Variants in SATB2 observed in about 807,000 individuals in gnomAD.
SATB2 encodes SATB homeobox 2, also known as DNA-binding protein SATB2.
SATB2 carries 1 observed loss-of-function variant against 73.4 expected under a neutral mutation model. That is an observed-to-expected ratio of 0.01 (90% CI 0.00 to 0.06). The LOEUF (loss-of-function observed/expected upper bound fraction) is 0.06, where lower values mean the gene tolerates loss of function less well. SATB2 is among the 10% of genes least tolerant of loss of function. The pLI, the probability that SATB2 is intolerant of heterozygous loss-of-function variation, is 1.00. For missense variants in SATB2, 459 were observed against 945.8 expected (o/e 0.49, Z 6.75); for synonymous variants, 397 against 367.0 (o/e 1.08, Z -0.93).
chr2:199,367,098 T>C (rs906816161), intron 6 of SATB2, among the ~76,000 whole-genome samples: 2 of 152,168 alleles, frequency 1.3e-5, no homozygotes, highest in South Asian at 2.1e-4. Context: ...ATGATTCTTT[T>C]GATTTTCAGC....
intron 6 of SATB2, among the ~76,000 whole-genome samples, chr2:199,356,262 A>C (rs1057395911): frequency 6.6e-6 from 1 of 151,414 alleles, no homozygotes; most frequent in Non-Finnish European, 1.5e-5. Context: ...GAAAGAAAAG[A>C]CGACGGCAGA....
At chr2:199,373,727 G>A (rs1263429845) in intron 5 of SATB2, among the ~76,000 whole-genome samples, 1 of 152,200 alleles carries the variant, frequency 6.6e-6, no homozygotes, top group Non-Finnish European at 1.5e-5. Context: ...TATGGTCACT[G>A]CAATCCCTTG....
At chr2:199,381,851 A>AT in intron 3 of SATB2, 31 bp from the exon 4 acceptor site, 1 of 1,611,576 alleles carries the variant, frequency 6.2e-7, no homozygotes, top group Non-Finnish European at 8.5e-7. Flanking sequence ...TAATAAACAC[A>AT]TATCTGCTAT....
At chr2:199,371,234 G>C (rs1452873945) in intron 5 of SATB2, among the ~76,000 whole-genome samples, 3 of 151,878 alleles carry the variant, frequency 2.0e-5, no homozygotes, top group Non-Finnish European at 4.4e-5. Flanking sequence ...CCCTACATTA[G>C]ACTGTTAAAT....
chr2:199,313,869 T>G (rs904430000), intron 9 of SATB2, among the ~76,000 whole-genome samples: 2 of 152,136 alleles, frequency 1.3e-5, no homozygotes, highest in Non-Finnish European at 2.9e-5. Flanking sequence ...TTGCCTCCAT[T>G]TTTCTTTCAT....
chr2:199,297,741 C>G (rs769842690), intron 10 of SATB2, among the ~76,000 whole-genome samples: 4 of 151,626 alleles, frequency 2.6e-5, no homozygotes, highest in Non-Finnish European at 5.9e-5. Context: ...GTAGCAAGGA[C>G]AGCAGAAGTC....
At position 199,463,916 on chromosome 2, in the gene SATB2, C is replaced by G. The variant is rs1172471732; in HGVS notation, c.-141+920G>C. Among the ~76,000 whole-genome samples the G allele has an allele frequency of 6.6e-6, 1 of 152,166 alleles. No individual in the cohort carries two copies. Among genetic ancestry groups the G allele is most frequent in the Non-Finnish European group, 1.5e-5 (1 of 68,022 alleles). The stretch of plus-strand genomic sequence containing the variant: ...CTCAGGCAGCCGGGTGCAAGGGGGC[C>G]CAAACCGCAGTTGCCTCCCGAACGC... On this transcript the variant is annotated intron_variant, in intron 1 of 11. Coordinates refer to the SATB2 transcript ENST00000260926. This position sits in a 1 kb window ranked among gnomAD's most constrained non-coding sequence, Gnocchi z 6.4.
rs549870094 is a variant in SATB2, at chr2:199,342,584, T to C, written c.1173+6117A>G. Among the ~76,000 whole-genome samples the C allele has an allele frequency of 1.7e-3, 259 of 152,300 alleles. 1 individual carries two copies. Among genetic ancestry groups the C allele is most frequent in the African/African-American group, 5.9e-3 (247 of 41,566 alleles). ...GGCTCATGCTGGAGATCCCATATCCTGGCATTGCATGACCTCTAATGTGCT... is the reference window on the plus strand; with the variant it reads ...GGCTCATGCTGGAGATCCCATATCCCGGCATTGCATGACCTCTAATGTGCT... On this transcript the variant is annotated intron_variant, in intron 7 of 10. Transcript: ENST00000417098.
chr2:199,287,097 T>A (rs1251680246), intron 10 of SATB2, among the ~76,000 whole-genome samples: 1 of 152,224 alleles, frequency 6.6e-6, no homozygotes, highest in African/African-American at 2.4e-5. Flanking sequence ...AGATTAAGCA[T>A]GATCCCTCAG....
At position 199,349,159 on chromosome 2, in the gene SATB2, G is replaced by T; in HGVS notation, c.715C>A (p.Arg239=). The part of the protein sequence containing the change: ...YKKIKVERVE[R]ENLSDYCVLG... Reference sequence around the variant, plus strand: ...ACACAATAGTCTGAAAGGTTTTCTCGTTCCACTCTTTCCACTGTTAAGAGA... The same window carrying T: ...ACACAATAGTCTGAAAGGTTTTCTCTTTCCACTCTTTCCACTGTTAAGAGA... Residue 239 remains arginine (R), a synonymous_variant, in exon 7 of 11, where the codon CGA becomes AGA. Coordinates refer to ENST00000417098, the MANE Select transcript of SATB2 (RefSeq NM_001172509.2). The T allele has an allele frequency of 6.2e-7, 1 of 1,612,452 alleles. No individual in the cohort carries two copies. Among genetic ancestry groups the T allele is most frequent in the South Asian group, 1.1e-5 (1 of 90,942 alleles).
chr2:199,447,457 G>T (rs907399583), intron 2 of SATB2, among the ~76,000 whole-genome samples: 4 of 152,144 alleles, frequency 2.6e-5, no homozygotes, highest in Non-Finnish European at 4.4e-5. Context: ...CTTCAGCCTA[G>T]TTTGGACTTT....
intron 7 of SATB2, among the ~76,000 whole-genome samples, chr2:199,338,918 A>T (rs1574521390): frequency 4.5e-5 from 1 of 22,270 alleles, no homozygotes; most frequent in Admixed American, 5.5e-4. Context: ...ACTCTGTCTT[A>T]AAAAAAAAAA....
chr2:199,401,539 CAA>C (rs974213960), intron 3 of SATB2, among the ~76,000 whole-genome samples: 1 of 118,868 alleles, frequency 8.4e-6, no homozygotes. Flanking sequence ...GACTCTGTCT[CAA>C]AAAAAAAAAC....
intron 3 of SATB2, among the ~76,000 whole-genome samples, chr2:199,390,896 G>A (rs757414533): frequency 3.9e-5 from 6 of 152,012 alleles, no homozygotes; most frequent in African/African-American, 9.7e-5. Context: ...TACAGTTTAC[G>A]GTTACATAAT....
rs1273985182 is a variant in SATB2, at chr2:199,368,657, T to G, written c.648A>C (p.Ala216=). 6.2e-7 allele frequency: 1 copy of G among 1,611,498 alleles called. No homozygotes were observed. The highest frequency in any genetic ancestry group is 2.2e-5 in the East Asian group (1 of 44,842). ...ATCTCCCAAACTCCTGGCACTTGGT[T>G]GCTGACACATTGGCATAATATGTGC... ...VNSTYYANVS[A]TKCQEFGRWY... is the part of the protein sequence containing the mutation. The change falls in exon 6 of 11, where the codon GCA becomes GCC. Residue 216 remains alanine, a synonymous_variant. Transcript: ENST00000417098.
At chr2:199,298,340 G>C (rs1405531756) in intron 10 of SATB2, among the ~76,000 whole-genome samples, 1 of 152,194 alleles carries the variant, frequency 6.6e-6, no homozygotes, top group Non-Finnish European at 1.5e-5. Flanking sequence ...TGAAGGTCCA[G>C]TGGCCTTTCC....
At chr2:199,378,622 A>T (rs927724855) in intron 5 of SATB2, among the ~76,000 whole-genome samples, 1 of 152,152 alleles carries the variant, frequency 6.6e-6, no homozygotes, top group Non-Finnish European at 1.5e-5. Flanking sequence ...CGAGGCAAAA[A>T]TATTAATAGC....
rs556450192 is a variant in SATB2, at chr2:199,309,621, C to T, written c.1543-664G>A. 1.6e-4 allele frequency among the ~76,000 whole-genome samples: 24 copies of T among 152,296 alleles called. 1 individual carries two copies. The South Asian group carries it at 3.5e-3, about 22-fold the overall frequency. ...ATGTCTGCTTCCAAAATCTGGCATC[C>T]GGATGTTCTCTCTCTTGCAACTGCA... On this transcript the variant is annotated intron_variant, in intron 9 of 10. Transcript: ENST00000417098.
chr2:199,275,183 C>T (rs563879220), intron 10 of SATB2, among the ~76,000 whole-genome samples: 1 of 152,294 alleles, frequency 6.6e-6, no homozygotes, highest in African/African-American at 2.4e-5. Context: ...GGATTTTCCA[C>T]TGTGCACTGG....
Sources: allele counts gnomAD v4.1 joint callset (sites outside exome capture counted in the v4.1 genomes callset), GRCh38; gene constraint gnomAD v4.1.1; non-coding constraint Gnocchi (gnomAD v3.1); transcripts MANE v1.5; gene names NCBI Gene and HGNC (gene_info 2026-07-23, HGNC 2026-07-21).